The following CENPV variants were observed in gnomAD, a reference collection of about 807,000 sequenced individuals.
CENPV encodes the protein nuclear protein p30.
CENPV carries 15 observed loss-of-function variants against 26.4 expected under a neutral mutation model. That is an observed-to-expected ratio of 0.57 (90% CI 0.38 to 0.88). The LOEUF is 0.88. CENPV is among the 40% of genes least tolerant of loss of function. CENPV has a pLI of 0.00. For missense variants in CENPV, 336 were observed against 376.5 expected, an observed-to-expected ratio of 0.89 and a Z score of 0.89; for synonymous variants, 172 against 165.5, an observed-to-expected ratio of 1.04 and a Z score of -0.30.
rs2093229788 is a variant in CENPV, at chr17:16,351,681, A to G, written c.410+1346T>C. On this transcript the variant is annotated intron_variant, in intron 1 of 4. Transcript: ENST00000299736. Reference sequence around the variant, plus strand: ...ACACTTTTTGAATATAATTTAGTAGACTTTATAAGTACAAAGTCATGGCAA... The same window carrying G: ...ACACTTTTTGAATATAATTTAGTAGGCTTTATAAGTACAAAGTCATGGCAA... The G allele has an allele frequency of 2.0e-5, 3 of 152,362 alleles. 1 individual carries two copies. In the South Asian group the frequency reaches 6.2e-4, roughly 32 times the overall value. 9.4% of individuals were successfully genotyped at this position (152,362 alleles called of 1,614,324 possible).
At chr17:16,348,553 G>A in intron 3 of CENPV, 63 bp downstream of exon 3, 18 of 1,600,944 alleles carry the variant, frequency 1.1e-5, no homozygotes, top group Non-Finnish European at 1.5e-5. Flanking sequence ...ACAGTTGGGT[G>A]GGGGGTCCTG....
At chr17:16,345,272 A>C (rs1263779643) in intron 3 of CENPV, among the ~76,000 whole-genome samples, 3 of 150,400 alleles carry the variant, frequency 2.0e-5, no homozygotes, top group Non-Finnish European at 4.4e-5. Context: ...AAAAAAAAAA[A>C]AAAAAAAAAC....
intron 4 of CENPV, chr17:16,344,233 CCT>C (rs1237353104): frequency 6.2e-6 from 1 of 162,058 alleles, no homozygotes; most frequent in Non-Finnish European, 1.3e-5. Flanking sequence ...TCCCTTAACC[CCT>C]GTCATTATTA....
intron 1 of CENPV, chr17:16,351,006 C>T (rs2093226603): frequency 6.6e-6 from 1 of 151,960 alleles, no homozygotes; most frequent in Non-Finnish European, 1.5e-5. Context: ...GATTTCAGCC[C>T]ACCGCAACCT....
chr17:16,344,708 C>T lies in CENPV; in HGVS notation c.583G>A (p.Ala195Thr). Residue 195 changes from alanine (A) to threonine (T), a missense_variant, in exon 4 of 5, where the codon GCT becomes ACT. Ala to Thr is a moderately conservative substitution (Grantham distance 58, BLOSUM62 0). Transcript: ENST00000299736. ...PASRFKLLKGAEHITTYTFNT... is the reference protein window; with the variant it reads ...PASRFKLLKGTEHITTYTFNT... ...AACGTGTAAGTCGTTATGTGCTCAG[C>T]TCCCTAGGTGAAAACAGACAAACGG... 1 of 1,564,396 alleles carries T rather than the reference C, an allele frequency of 6.4e-7. No homozygotes were observed. The highest frequency in any genetic ancestry group is 8.7e-7 in the Non-Finnish European group (1 of 1,152,542).
At position 16,348,449 on chromosome 17, in the gene CENPV, G is replaced by A. The variant is rs1384721878; in HGVS notation, c.579+167C>T. ...TGGGATTACAGGCGTGAGCCACTGT[G>A]CCGGGCCCACCTTTTAAATGTCAAC... On this transcript the variant is annotated intron_variant, in intron 3 of 4. Transcript: ENST00000299736. The A allele has an allele frequency of 4.9e-6, 7 of 1,442,734 alleles. No homozygotes were observed. In the Admixed American group the frequency reaches 1.7e-4, roughly 35 times the overall value. The allele number at this position is 1,442,734 out of a possible 1,614,324, so 89.4% of individuals were successfully genotyped here. A position where few individuals can be genotyped will look rare whatever the true frequency, so the allele number is the denominator to read the frequency against.
rs753919797 is a variant in CENPV at position 16,353,154 on chromosome 17, TCGGCGG to T, written c.277_282del (p.Pro93_Pro94del). The T allele has an allele frequency of 5.7e-5, 83 of 1,466,078 alleles. No homozygotes were observed. The Middle Eastern group carries it at 9.0e-4, about 16-fold the overall frequency. The allele number at this position is 1,466,078 out of a possible 1,614,324, so 90.8% of individuals were successfully genotyped here. On this transcript the variant is annotated inframe_deletion, in exon 1 of 5. Coordinates refer to ENST00000299736, the MANE Select transcript of CENPV (RefSeq NM_181716.3). ...GCCGAGGACGTCGGGGTCGCGGGAG[TCGGCGG>T]CGGCGGCGGCGGTGGCGGGAGCAAC...
In CENPV at chr17:16,348,626, T is replaced by C. The variant is rs747973484; in HGVS notation, c.569A>G (p.Lys190Arg). Residue 190 changes from lysine to arginine, a missense_variant, in exon 3 of 5, where the codon AAG becomes AGG. Lys to Arg is a conservative substitution (Grantham distance 26). Coordinates refer to ENST00000299736, the MANE Select transcript of CENPV (RefSeq NM_181716.3). The stretch of plus-strand genomic sequence containing the variant: ...CTCTTAAGCACTGACCTTCAGGAGC[T>C]TGAAGCGAGAAGCTGGAACAATGAA... ...RHFIVPASRF[K>R]LLKGAEHITT... The C allele has an allele frequency of 1.2e-6, 2 of 1,614,068 alleles. No individual in the cohort carries two copies. The highest frequency in any genetic ancestry group is 1.7e-5 in the Admixed American group (1 of 60,010).
chr17:16,352,991 C>T (rs1029446365), intron 1 of CENPV, 36 bp downstream of exon 1: 52 of 1,514,136 alleles, frequency 3.4e-5, no homozygotes, highest in Non-Finnish European at 4.5e-5. Context: ...GTCCGCGTGG[C>T]AACGGCTCCC....
At position 16,344,680 on chromosome 17, in the gene CENPV, T is replaced by C; in HGVS notation, c.611A>G (p.Asn204Ser). Residue 204 changes from asparagine (N) to serine (S), a missense_variant, in exon 4 of 5, where the codon AAT becomes AGT. This residue lies in a region of CENPV where 155 missense variants were observed against 227.8 expected (regional missense o/e 0.68). Transcript: ENST00000299736. Reference sequence around the variant, plus strand: ...GAAGGTATGCTGGGCTTTGTGAGTATTGAACGTGTAAGTCGTTATGTGCTC... The same window carrying C: ...GAAGGTATGCTGGGCTTTGTGAGTACTGAACGTGTAAGTCGTTATGTGCTC... ...GAEHITTYTF[N>S]THKAQHTFCK... 1 of 1,599,244 alleles carries C rather than the reference T, an allele frequency of 6.3e-7. No homozygotes were observed. Among genetic ancestry groups the C allele is most frequent in the Non-Finnish European group, 8.5e-7 (1 of 1,173,412 alleles).
At chr17:16,345,284 C>CCT in intron 3 of CENPV, among the ~76,000 whole-genome samples, 1 of 138,076 alleles carries the variant, frequency 7.2e-6, no homozygotes, top group Non-Finnish European at 1.5e-5. Context: ...AAAAAAAACA[C>CCT]CTTTGGCCAG....
At position 16,353,355 on chromosome 17, in the gene CENPV, CGGAGGCCGCGGGGGCCG is replaced by C; in HGVS notation, c.65_81del (p.Ala22GlyfsTer17). On this transcript the variant is annotated frameshift_variant, in exon 1 of 5. Transcript: ENST00000299736. LOFTEE classifies it high-confidence loss of function. ...GCGCTGGGTGCCAAGGCAGCGGCCG[CGGAGGCCGCGGGGGCCG>C]CGGAGGCCCCGGACCGCTTCTGCCC... 1 of 1,275,716 alleles carries C rather than the reference CGGAGGCCGCGGGGGCCG, an allele frequency of 7.8e-7. No individual in the cohort carries two copies. The highest frequency in any genetic ancestry group is 9.9e-7 in the Non-Finnish European group (1 of 1,015,070). The allele number at this position is 1,275,716 out of a possible 1,614,324, so 79.0% of individuals were successfully genotyped here.
chr17:16,342,874 G>T lies in CENPV; in HGVS notation c.762C>A (p.Ser254Arg). 5.6e-6 allele frequency: 9 copies of T among 1,614,002 alleles called. No homozygotes were observed. The highest frequency in any genetic ancestry group is 7.6e-6 in the Non-Finnish European group (9 of 1,179,992). ...RSMVTEEFNG[S>R]DWEKAMKEHK... ...GCTCTTTCATGGCCTTCTCCCAATC[G>T]CTGCCATTGAATTCCTCAGTGACCA... The change falls in exon 5 of 5, where the codon AGC (serine) becomes AGA (arginine). Residue 254 changes from serine (S) to arginine (R), a missense_variant. Physicochemically the swap from Ser to Arg is moderately radical, Grantham distance 110 (BLOSUM62 -1). Coordinates refer to ENST00000299736, the MANE Select transcript of CENPV (RefSeq NM_181716.3).
chr17:16,352,826 C>G (rs1220142040), intron 1 of CENPV, among the ~76,000 whole-genome samples: 1 of 151,916 alleles, frequency 6.6e-6, no homozygotes, highest in African/African-American at 2.4e-5. Flanking sequence ...GGCCACACAG[C>G]CCTAGAAGCA....
In CENPV at chr17:16,344,568, T is replaced by C. The variant is rs375789499; in HGVS notation, c.694+29A>G. ...CACCATGGGCCTCTCTGTGTCCCCC[T>C]GAGCTTGCAGTCCATCCCCTTTACT... On this transcript the variant is annotated intron_variant, in intron 4 of 4. Transcript: ENST00000299736. 612 of 1,368,896 alleles carry C rather than the reference T, an allele frequency of 4.5e-4. 2 individuals are homozygous for C. The highest frequency in any genetic ancestry group is 6.9e-4 in the African/African-American group (46 of 66,848). 84.8% of individuals were successfully genotyped at this position (1,368,896 alleles called of 1,614,324 possible).
At position 16,342,757 on chromosome 17, in the gene CENPV, G is replaced by A; in HGVS notation, c.*60C>T. 3 of 1,608,636 alleles carry A rather than the reference G, an allele frequency of 1.9e-6. No individual in the cohort carries two copies. The highest frequency in any genetic ancestry group is 2.2e-5 in the South Asian group (2 of 90,812). On this transcript the variant is annotated 3_prime_UTR_variant, in exon 5 of 5. Transcript: ENST00000299736. ...TCAGGAGCACCACCGAGGCACGGCA[G>A]GGAGAGCAAAGTTGCTGGCCCCAAT... is the stretch of plus-strand genomic sequence containing the variant.
chr17:16,346,561 G>A (rs891155688), intron 3 of CENPV, among the ~76,000 whole-genome samples: 3 of 152,086 alleles, frequency 2.0e-5, no homozygotes, highest in Non-Finnish European at 4.4e-5. Context: ...GACCAGCCTG[G>A]CCAACATGGT....
chr17:16,346,892 C>T (rs1338296813), intron 3 of CENPV, among the ~76,000 whole-genome samples: 1 of 151,134 alleles, frequency 6.6e-6, no homozygotes, highest in African/African-American at 2.4e-5. Context: ...ACTCTGTTAT[C>T]CAGGCTGGAG....
In CENPV at chr17:16,353,069, T is replaced by C; in HGVS notation, c.368A>G (p.Lys123Arg). Residue 123 changes from lysine to arginine, a missense_variant, in exon 1 of 5, where the codon AAG becomes AGG. Physicochemically the swap from Lys to Arg is conservative, Grantham distance 26. Transcript: ENST00000299736. The part of the protein sequence containing the change: ...ERWETFQKRQ[K>R]LTSEGAAKLL... ...CTTGGCGGCACCCTCGGAGGTAAGC[T>C]TCTGCCGCTTCTGGAACGTCTCCCA... 5.7e-6 allele frequency: 9 copies of C among 1,578,720 alleles called. No homozygotes were observed. Among genetic ancestry groups the C allele is most frequent in the Non-Finnish European group, 7.7e-6 (9 of 1,163,762 alleles).
Sources: gnomAD v4.1 joint callset for allele counts (sites outside exome capture counted in the v4.1 genomes callset) on GRCh38, gnomAD v4.1.1 for gene constraint, gnomAD v4.1.1 regional missense constraint, MANE v1.5 for transcripts, NCBI Gene and HGNC (gene_info 2026-07-23, HGNC 2026-07-21) for gene names.